Variants in FREM2 observed in about 807,000 individuals in gnomAD.
FREM2 encodes the protein FRAS1 related extracellular matrix 2, also known as FRAS1-related extracellular matrix protein 2.
FREM2 carries 119 observed loss-of-function variants against 219.9 expected under a neutral mutation model. The observed-to-expected ratio is 0.54, with a 90% CI of 0.47 to 0.63. FREM2 has a LOEUF of 0.63. FREM2 is among the 30% of genes least tolerant of loss of function. The pLI is 0.00. For synonymous variants in FREM2, 1,562 were observed against 1,522.8 expected (o/e 1.03, Z -0.60); for missense variants, 4,030 against 3,993.6 (o/e 1.01, Z -0.25).
chr13:38,872,828 C>A lies in FREM2; in HGVS notation c.8070C>A (p.Gly2690=), dbSNP rs531314995. The A allele has an allele frequency of 6.2e-7, 1 of 1,614,058 alleles. No individual in the cohort carries two copies. Among genetic ancestry groups the A allele is most frequent in the African/African-American group, 1.3e-5 (1 of 75,032 alleles). The part of the protein sequence containing the change: ...YVFHSPVGVG[G]WQHFDLKSEL... ...TCCATTCCCCCGTGGGGGTAGGAGG[C>A]TGGCAGCATTTTGACTTGAAGTCAG... Residue 2690 remains glycine, a synonymous_variant, in exon 17 of 24, where the codon GGC becomes GGA. Transcript: ENST00000280481.
chr13:38,773,488 TAAAGC>T (rs1873752749), intron 4 of FREM2, among the ~76,000 whole-genome samples: 1 of 152,178 alleles, frequency 6.6e-6, no homozygotes, highest in South Asian at 2.1e-4. Context: ...ACTCCTGGGC[TAAAGC>T]AAAGCTCCCA....
At chr13:38,873,771 A>G (rs1292341276) in intron 17 of FREM2, among the ~76,000 whole-genome samples, 1 of 151,860 alleles carries the variant, frequency 6.6e-6, no homozygotes. Flanking sequence ...ATGTAAATCT[A>G]CTCTCTTAAG....
chr13:38,831,571 T>C (rs535046716), intron 6 of FREM2, among the ~76,000 whole-genome samples: 1 of 151,862 alleles, frequency 6.6e-6, no homozygotes, highest in South Asian at 2.1e-4. Flanking sequence ...TAAAATGATA[T>C]ATATTTTTAA....
chr13:38,885,736 T>C lies in FREM2; in HGVS notation c.*4949T>C, dbSNP rs145394806. 38 of 152,272 alleles carry C rather than the reference T, an allele frequency of 2.5e-4. No individual in the cohort carries two copies. Among genetic ancestry groups the C allele is most frequent in the African/African-American group, 9.1e-4 (38 of 41,570 alleles). The allele number at this position is 152,272 out of a possible 1,614,324, so 9.4% of individuals were successfully genotyped here. ...AACTTCCTGCAAAAGATCAAAAGCA[T>C]CATACTAAATAAAATGATGACAATA... is the stretch of plus-strand genomic sequence containing the variant. On this transcript the variant is annotated 3_prime_UTR_variant, in exon 24 of 24. Coordinates refer to ENST00000280481, the MANE Select transcript of FREM2 (RefSeq NM_207361.6).
At chr13:38,783,217 C>T (rs1566140637) in intron 5 of FREM2, 22 bp downstream of exon 5, 1 of 1,613,626 alleles carries the variant, frequency 6.2e-7, no homozygotes, top group Admixed American at 1.7e-5. Context: ...TGCCGAAAAA[C>T]TAAGATAACC....
chr13:38,834,125 C>T (rs1032588264), intron 6 of FREM2, among the ~76,000 whole-genome samples: 3 of 151,994 alleles, frequency 2.0e-5, no homozygotes, highest in Admixed American at 6.6e-5. Context: ...CCCATCAACC[C>T]ATCATCTACA....
intron 4 of FREM2, among the ~76,000 whole-genome samples, chr13:38,779,969 C>G (rs1874051632): frequency 6.6e-6 from 1 of 152,140 alleles, no homozygotes; most frequent in Non-Finnish European, 1.5e-5. Flanking sequence ...TTCTTTATCT[C>G]CCTGACTTCT....
At chr13:38,726,792 A>G (rs1018940905) in intron 2 of FREM2, among the ~76,000 whole-genome samples, 2 of 152,204 alleles carry the variant, frequency 1.3e-5, no homozygotes, top group Non-Finnish European at 2.9e-5. Flanking sequence ...CTATTTTCAC[A>G]TAGACCTATG....
At chr13:38,729,490 T>G (rs1482874709) in intron 2 of FREM2, among the ~76,000 whole-genome samples, 1 of 152,222 alleles carries the variant, frequency 6.6e-6, no homozygotes, top group Non-Finnish European at 1.5e-5. Flanking sequence ...ATTTTCATAA[T>G]TATCACTAAA....
At position 38,692,187 on chromosome 13, in the gene FREM2, A is replaced by C. The variant is rs1184677944; in HGVS notation, c.4843A>C (p.Ser1615Arg). Residue 1615 changes from serine to arginine, a missense_variant, in exon 1 of 24, where the codon AGC becomes CGC. By Grantham distance (110) the Ser-to-Arg change is moderately radical. Coordinates refer to ENST00000280481, the MANE Select transcript of FREM2 (RefSeq NM_207361.6). ...TGATGGCACTGAGTCAAGTGAAGAT[A>C]GCTTCTCCTTCACAGTGACTGATGG... is the stretch of plus-strand genomic sequence containing the variant. ...KHDGTESSED[S>R]FSFTVTDGTH... 7 of 1,613,926 alleles carry C rather than the reference A, an allele frequency of 4.3e-6. No individual in the cohort carries two copies. Among genetic ancestry groups the C allele is most frequent in the Non-Finnish European group, 5.9e-6 (7 of 1,179,872 alleles).
chr13:38,694,777 T>G (rs2496428), intron 1 of FREM2, among the ~76,000 whole-genome samples: 6,712 of 152,264 alleles, frequency 0.044, 463 homozygotes, highest in African/African-American at 0.15. Flanking sequence ...TATCATTTAT[T>G]TATTTCAAAC....
chr13:38,708,653 C>CAATA (rs989615296), intron 2 of FREM2, among the ~76,000 whole-genome samples: 3 of 152,026 alleles, frequency 2.0e-5, no homozygotes, highest in African/African-American at 7.2e-5. Flanking sequence ...GACTCTGTCT[C>CAATA]AATAAATAAA....
chr13:38,702,451 A>G (rs1396623909), intron 2 of FREM2, among the ~76,000 whole-genome samples: 1 of 152,166 alleles, frequency 6.6e-6, no homozygotes, highest in East Asian at 1.9e-4. Flanking sequence ...GTGGTATGAG[A>G]TAACATTAGG....
intron 11 of FREM2, 83 bp from the exon 12 acceptor site, chr13:38,856,043 A>G: frequency 2.3e-6 from 2 of 886,650 alleles, no homozygotes; most frequent in South Asian, 1.5e-5. Flanking sequence ...TGTAGGCCAC[A>G]GTAAAAAAAA....
At chr13:38,715,532 C>T (rs1487898028) in intron 2 of FREM2, among the ~76,000 whole-genome samples, 1 of 152,118 alleles carries the variant, frequency 6.6e-6, no homozygotes, top group East Asian at 1.9e-4. Context: ...AGACCTGATT[C>T]GTTTCCAGAT....
At chr13:38,734,006 CAAAT>C (rs1871876661) in intron 2 of FREM2, among the ~76,000 whole-genome samples, 1 of 151,772 alleles carries the variant, frequency 6.6e-6, no homozygotes, top group Non-Finnish European at 1.5e-5. Context: ...TTAGAAAGCC[CAAAT>C]AAATAGGTGG....
At chr13:38,741,581 T>G (rs1021375536) in intron 2 of FREM2, among the ~76,000 whole-genome samples, 1 of 152,166 alleles carries the variant, frequency 6.6e-6, no homozygotes, top group Non-Finnish European at 1.5e-5. Context: ...ATTAAGGTGG[T>G]AGAGACACTT....
chr13:38,759,359 T>C (rs1189088789), intron 2 of FREM2, among the ~76,000 whole-genome samples: 2 of 152,134 alleles, frequency 1.3e-5, no homozygotes, highest in Non-Finnish European at 2.9e-5. Context: ...AGTTTCATAT[T>C]ATTGAAGATT....
At chr13:38,696,141 T>TA (rs1447466027) in intron 1 of FREM2, among the ~76,000 whole-genome samples, 3 of 152,238 alleles carry the variant, frequency 2.0e-5, no homozygotes, top group East Asian at 1.9e-4. Context: ...TATTTTGTTT[T>TA]AAAAAACAAA....
Sources: gnomAD v4.1 joint callset for allele counts (sites outside exome capture counted in the v4.1 genomes callset) on GRCh38, gnomAD v4.1.1 for gene constraint, MANE v1.5 for transcripts, NCBI Gene and HGNC (gene_info 2026-07-23, HGNC 2026-07-21) for gene names.